The following CENPS variants were observed in gnomAD, a reference collection of about 807,000 sequenced individuals.
CENPS encodes centromere protein S.
Under a neutral mutation model 17.9 loss-of-function variants are expected in CENPS, and 16 were observed. The ratio of observed to expected loss-of-function variants is 0.90; its 90% confidence interval spans 0.61 to 1.36. The LOEUF is 1.36. Ranked by LOEUF, CENPS falls within the 40% of genes most tolerant of loss-of-function variation. The probability of loss-of-function intolerance (pLI) is 0.00; values close to 1 mark genes in which losing one functional copy is unlikely to be tolerated. For missense variants in CENPS, 160 were observed against 158.6 expected, an observed-to-expected ratio of 1.01 and a Z score of -0.05; for synonymous variants, 49 against 55.8, an observed-to-expected ratio of 0.88 and a Z score of 0.54.
intron 3 of CENPS, among the ~76,000 whole-genome samples, chr1:10,439,614 C>T (rs763098729): frequency 7.2e-5 from 11 of 152,002 alleles, no homozygotes; most frequent in Non-Finnish European, 1.0e-4. Flanking sequence ...TGGTGGCGGG[C>T]GCCTGTAATC....
intron 1 of CENPS, among the ~76,000 whole-genome samples, chr1:10,432,831 G>C (rs1639982475): frequency 1.3e-5 from 2 of 152,176 alleles, no homozygotes; most frequent in Admixed American, 1.3e-4. Flanking sequence ...GGAGTTCGAG[G>C]CTGTAGTGTG....
chr1:10,436,754 C>T (rs886609056), intron 3 of CENPS, among the ~76,000 whole-genome samples: 4 of 146,230 alleles, frequency 2.7e-5, no homozygotes, highest in South Asian at 2.2e-4. Flanking sequence ...TTTGTGGAAA[C>T]GCTTTGTCTG....
intron 3 of CENPS, among the ~76,000 whole-genome samples, chr1:10,438,837 C>T (rs961924225): frequency 1.3e-5 from 2 of 152,138 alleles, no homozygotes; most frequent in African/African-American, 2.4e-5. Flanking sequence ...TGTGCTTATT[C>T]CTTTTACTGT....
chr1:10,434,630 AGT>A, intron 2 of CENPS, 25 bp from the exon 3 acceptor site: 1 of 1,605,350 alleles, frequency 6.2e-7, no homozygotes, highest in Non-Finnish European at 8.5e-7. Context: ...GGGTGCCTAA[AGT>A]GTGTATCTTT....
At chr1:10,431,247 C>T (rs1639899327) in intron 1 of CENPS, 2 of 1,533,760 alleles carry the variant, frequency 1.3e-6, no homozygotes, top group Non-Finnish European at 1.7e-6. Flanking sequence ...AAGCAAGACC[C>T]GGAGTGGCGA....
intron 3 of CENPS, among the ~76,000 whole-genome samples, chr1:10,437,921 C>T (rs949095224): frequency 4.0e-5 from 6 of 151,864 alleles, no homozygotes; most frequent in Admixed American, 1.3e-4. Context: ...TGCCACCACA[C>T]CCACTAATTT....
chr1:10,434,048 T>TG, intron 2 of CENPS, 83 bp downstream of exon 2: 1 of 1,586,978 alleles, frequency 6.3e-7, no homozygotes, highest in Admixed American at 1.7e-5. Flanking sequence ...GTGGGAGCTG[T>TG]GGCGAGTCTG....
Position 10,433,823 on chromosome 1 carries a change from T to C in CENPS, c.52-19T>C, listed in dbSNP as rs777784342. 1.4e-5 allele frequency: 23 copies of C among 1,613,954 alleles called. No homozygotes were observed. The Admixed American group carries it at 3.7e-4, about 26-fold the overall frequency. On this transcript the variant is annotated intron_variant, in intron 1 of 4. Transcript: ENST00000309048. ...TATTTGCAGCCTTACCCGTGAAATA[T>C]TTTGATGTTTTTCCCCAGAGGCTAA...
chr1:10,440,830 C>G (rs965099971), intron 4 of CENPS, among the ~76,000 whole-genome samples: 11 of 152,126 alleles, frequency 7.2e-5, no homozygotes, highest in African/African-American at 2.7e-4. Context: ...ATTTTCAAGT[C>G]TAGAAATCAT....
chr1:10,430,732 G>T (rs6662684), intron 1 of CENPS, 164 bp downstream of exon 1: 5 of 1,405,690 alleles, frequency 3.6e-6, no homozygotes, highest in Non-Finnish European at 4.6e-6. Flanking sequence ...GGTGCTGGGA[G>T]GCGGTTTCCG....
chr1:10,442,213 A>C (rs1640446877), intron 4 of CENPS, 52 bp from the exon 5 acceptor site: 1 of 1,533,144 alleles, frequency 6.5e-7, no homozygotes, highest in Non-Finnish European at 8.7e-7. Context: ...TTGTTTATTT[A>C]GGTTTATAAA....
intron 1 of CENPS, among the ~76,000 whole-genome samples, chr1:10,432,132 G>T (rs1428423579): frequency 2.0e-5 from 3 of 151,722 alleles, no homozygotes; most frequent in African/African-American, 4.8e-5. Context: ...TTGTTGTCCA[G>T]GCTGGAGTGC....
intron 1 of CENPS, among the ~76,000 whole-genome samples, chr1:10,433,363 C>T (rs955072515): frequency 6.6e-6 from 1 of 152,172 alleles, no homozygotes; most frequent in African/African-American, 2.4e-5. Context: ...TACTTCTGTC[C>T]TCTGTGACGT....
At position 10,435,718 on chromosome 1, in the gene CENPS, C is replaced by T. The variant is rs1458033980; in HGVS notation, c.209+1028C>T. Among the ~76,000 whole-genome samples the T allele has an allele frequency of 1.4e-3, 198 of 146,506 alleles. 2 individuals are homozygous for T. The highest frequency in any genetic ancestry group is 4.6e-3 in the African/African-American group (177 of 38,756). ...CTTAAAAATAATATATATATATATA[C>T]ACACACACACACACACACATATACA... On this transcript the variant is annotated intron_variant, in intron 3 of 4. Coordinates refer to ENST00000309048, the MANE Select transcript of CENPS (RefSeq NM_199294.3).
At position 10,442,347 on chromosome 1, in the gene CENPS, A is replaced by G; in HGVS notation, c.359A>G (p.Asp120Gly). ...RKAQKKKKSEDGSKNSRQPAE... is the reference protein window; with the variant it reads ...RKAQKKKKSEGGSKNSRQPAE... ...GCACAGAAGAAAAAGAAGTCAGAGG[A>G]TGGAAGCAAAAATTCAAGGCAGCCA... The change falls in exon 5 of 5, where the codon GAT becomes GGT. Residue 120 changes from aspartate to glycine, a missense_variant. Transcript: ENST00000309048. The G allele has an allele frequency of 6.2e-7, 1 of 1,607,654 alleles. No individual in the cohort carries two copies. The highest frequency in any genetic ancestry group is 8.5e-7 in the Non-Finnish European group (1 of 1,178,496).
intron 4 of CENPS, 131 bp from the exon 5 acceptor site, chr1:10,442,134 C>A: frequency 1.7e-6 from 2 of 1,205,588 alleles, no homozygotes; most frequent in Non-Finnish European, 1.1e-6. Flanking sequence ...GAAATGTAAC[C>A]CAGGCTTTGG....
At chr1:10,438,080 T>G (rs1395715130) in intron 3 of CENPS, among the ~76,000 whole-genome samples, 1 of 151,744 alleles carries the variant, frequency 6.6e-6, no homozygotes, top group Non-Finnish European at 1.5e-5. Flanking sequence ...CACAATTAAA[T>G]TCTAAATAAT....
intron 4 of CENPS, 119 bp downstream of exon 4, chr1:10,440,532 C>G: frequency 7.3e-7 from 1 of 1,361,260 alleles, no homozygotes. Context: ...CTAGAGGTGG[C>G]TGAACCATTC....
At chr1:10,435,712 T>TACACAC (rs1157849538) in intron 3 of CENPS, among the ~76,000 whole-genome samples, 1 of 143,814 alleles carries the variant, frequency 7.0e-6, no homozygotes, top group African/African-American at 2.6e-5. Context: ...AATATATATA[T>TACACAC]ATATACACAC....
Sources: allele counts gnomAD v4.1 joint callset (sites outside exome capture counted in the v4.1 genomes callset), GRCh38; gene constraint gnomAD v4.1.1; transcripts MANE v1.5; gene names NCBI Gene and HGNC (gene_info 2026-07-23, HGNC 2026-07-21).